DHTKD1: variants seen among roughly 807,000 people sequenced by gnomAD.
DHTKD1 encodes dehydrogenase E1 and transketolase domain containing 1, also known as 2-oxoadipate dehydrogenase complex component E1.
DHTKD1 carries 78 observed loss-of-function variants against 101.8 expected under a neutral mutation model. That is an observed-to-expected ratio of 0.77 (90% confidence interval 0.64 to 0.93). The LOEUF (loss-of-function observed/expected upper bound fraction) is 0.93, where lower values mean the gene tolerates loss of function less well. DHTKD1 is among the 40% of genes least tolerant of loss of function. The pLI is 0.00. For missense variants in DHTKD1, 1,223 were observed against 1,161.7 expected, an observed-to-expected ratio of 1.05 and a Z score of -0.77; for synonymous variants, 462 against 450.3, an observed-to-expected ratio of 1.03 and a Z score of -0.33.
chr10:12,106,361 G>A lies in DHTKD1; in HGVS notation c.2012G>A (p.Gly671Asp). The change falls in exon 11 of 17, where the codon GGT (glycine) becomes GAT (aspartate). Residue 671 changes from glycine to aspartate, a missense_variant. Gly to Asp is a moderately conservative substitution (Grantham distance 94). Coordinates refer to ENST00000263035, the MANE Select transcript of DHTKD1 (RefSeq NM_018706.7). The part of the protein sequence containing the change: ...WEAQFGDFFN[G>D]AQIIFDTFIS... ...GCACAGTTTGGCGATTTCTTCAATG[G>A]TGCCCAGATCATCTTTGACACATTC... 1 of 1,614,208 alleles carries A rather than the reference G, an allele frequency of 6.2e-7. No homozygotes were observed. The highest frequency in any genetic ancestry group is 8.5e-7 in the Non-Finnish European group (1 of 1,180,048).
chr10:12,084,632 T>G lies in DHTKD1; in HGVS notation c.403T>G (p.Ser135Ala), dbSNP rs755902715. Reference protein sequence around the residue: ...IYCGQISIETSQLQSQDEKDW... With the variant: ...IYCGQISIETAQLQSQDEKDW... The stretch of plus-strand genomic sequence containing the variant: ...CTGTGGGCAGATTTCTATTGAAACC[T>G]CCCAACTTCAGAGCCAGGATGAGAA... The change falls in exon 3 of 17, where the codon TCC becomes GCC. Residue 135 changes from serine (S) to alanine (A), a missense_variant. By Grantham distance (99) the Ser-to-Ala change is moderately conservative. Transcript: ENST00000263035. The G allele has an allele frequency of 1.4e-5, 23 of 1,613,868 alleles. No homozygotes were observed. Among genetic ancestry groups the G allele is most frequent in the Non-Finnish European group, 1.9e-5 (23 of 1,179,908 alleles).
rs57815181 is a variant in DHTKD1, at chr10:12,100,287, G to GTTT, written c.1756+37_1756+39dup. On this transcript the variant is annotated intron_variant, in intron 9 of 16. Coordinates refer to ENST00000263035, the MANE Select transcript of DHTKD1 (RefSeq NM_018706.7). Reference sequence around the variant, plus strand: ...GGTAAGAATTTTCTTTTTTTTTTCTGTTTTTTTTTTTTTTGAGTCTCACCC... The same window carrying GTTT: ...GGTAAGAATTTTCTTTTTTTTTTCTGTTTTTTTTTTTTTTTTTGAGTCTCACCC... 1.5e-3 allele frequency: 402 copies of GTTT among 272,102 alleles called. 54 individuals carry two copies. The highest frequency in any genetic ancestry group is 4.4e-3 in the East Asian group (54 of 12,326). The allele number at this position is 272,102 out of a possible 1,614,324, so 16.9% of individuals were successfully genotyped here.
Position 12,084,529 on chromosome 10 carries a change from G to A in DHTKD1, c.311-11G>A. 1 of 1,539,070 alleles carries A rather than the reference G, an allele frequency of 6.5e-7. No individual in the cohort carries two copies. The highest frequency in any genetic ancestry group is 9.0e-7 in the Non-Finnish European group (1 of 1,112,014). ...ATTTTTTAAGATGACCCCTTTGATT[G>A]TATTTCACAGGATTATTGAACATGG... On this transcript the variant is annotated splice_polypyrimidine_tract_variant and intron_variant, in intron 2 of 16. Transcript: ENST00000263035.
rs538884584 is a variant in DHTKD1, at chr10:12,087,202, C to T, written c.523-333C>T. 6.6e-6 allele frequency among the ~76,000 whole-genome samples: 1 copy of T among 152,172 alleles called. No homozygotes were observed. The highest frequency in any genetic ancestry group is 1.9e-4 in the East Asian group (1 of 5,186). On this transcript the variant is annotated intron_variant, in intron 3 of 16. Coordinates refer to ENST00000263035, the MANE Select transcript of DHTKD1 (RefSeq NM_018706.7). This position sits in a 1 kb window ranked among gnomAD's most constrained non-coding sequence, Gnocchi z 5.2. The stretch of plus-strand genomic sequence containing the variant: ...TGCAGCCTTGATTCATACCGTAGAG[C>T]CCCGTGTGAAAACTGGGGTACTGGG...
chr10:12,119,395 C>G (rs1431655550), intron 15 of DHTKD1, among the ~76,000 whole-genome samples: 1 of 151,212 alleles, frequency 6.6e-6, no homozygotes, highest in Non-Finnish European at 1.5e-5. Flanking sequence ...GTGGGCGGAT[C>G]ACGAGGTCAG....
intron 7 of DHTKD1, among the ~76,000 whole-genome samples, chr10:12,095,825 AAAAAAAAAG>A (rs1224088827): frequency 5.7e-5 from 8 of 139,286 alleles, no homozygotes; most frequent in African/African-American, 8.5e-5. Context: ...AAAAAAAAAA[AAAAAAAAAG>A]AAAAGAAAAG....
intron 6 of DHTKD1, among the ~76,000 whole-genome samples, chr10:12,093,300 T>G (rs1352008700): frequency 2.6e-5 from 4 of 152,160 alleles, no homozygotes; most frequent in Non-Finnish European, 5.9e-5. Flanking sequence ...TGCCTCAGCC[T>G]CCCAGAGTGC....
At chr10:12,089,409 G>T (rs546354548) in intron 5 of DHTKD1, among the ~76,000 whole-genome samples, 154 bp downstream of exon 5, 27 of 152,302 alleles carry the variant, frequency 1.8e-4, no homozygotes, top group African/African-American at 6.0e-4. Context: ...ACTAACAGGA[G>T]ATTCATGAGG....
intron 10 of DHTKD1, among the ~76,000 whole-genome samples, chr10:12,102,901 T>G (rs956008873): frequency 6.7e-6 from 1 of 150,082 alleles, no homozygotes; most frequent in African/African-American, 2.4e-5. Flanking sequence ...ATTACAGGCG[T>G]GAACCACCAC....
chr10:12,085,680 A>G (rs1377955567), intron 3 of DHTKD1, among the ~76,000 whole-genome samples: 1 of 152,088 alleles, frequency 6.6e-6, no homozygotes, highest in Non-Finnish European at 1.5e-5. Flanking sequence ...GGAGTTTGAT[A>G]CCAGCCAGGC....
chr10:12,079,201 C>G (rs1832777920), intron 1 of DHTKD1, among the ~76,000 whole-genome samples: 1 of 152,274 alleles, frequency 6.6e-6, no homozygotes, highest in South Asian at 2.1e-4. Context: ...GCTCCTCCCT[C>G]AGCCTCTTGG....
rs766964006 is a variant in DHTKD1 at position 12,097,878 on chromosome 10, A to C, written c.1553A>C (p.Gln518Pro). The C allele has an allele frequency of 5.0e-6, 8 of 1,614,218 alleles. No individual in the cohort carries two copies. The South Asian group carries it at 5.5e-5, about 11-fold the overall frequency. Residue 518 changes from glutamine (Q) to proline (P), a missense_variant, in exon 8 of 17, where the codon CAA becomes CCA. Coordinates refer to ENST00000263035, the MANE Select transcript of DHTKD1 (RefSeq NM_018706.7). ...HWQGLAQPEA[Q>P]ITTWSTGVPL... ...CAGGGCCTGGCTCAGCCAGAAGCGCAAATCACCACCTGGAGTACAGGTGTG... is the reference window on the plus strand; with the variant it reads ...CAGGGCCTGGCTCAGCCAGAAGCGCCAATCACCACCTGGAGTACAGGTGTG...
chr10:12,086,115 G>T (rs988465072), intron 3 of DHTKD1, among the ~76,000 whole-genome samples: 1 of 150,272 alleles, frequency 6.7e-6, no homozygotes, highest in Non-Finnish European at 1.5e-5. Flanking sequence ...TGATCCACCC[G>T]CCTCGGCCTC....
Position 12,117,771 on chromosome 10 carries a change from C to T in DHTKD1, c.2402+16C>T, listed in dbSNP as rs1318097989. ...ATCCAAAAAAGTAAGATATGTATCTCTGTTTTCATATTCTGTGGCAGAATT... is the reference window on the plus strand; with the variant it reads ...ATCCAAAAAAGTAAGATATGTATCTTTGTTTTCATATTCTGTGGCAGAATT... On this transcript the variant is annotated intron_variant, in intron 14 of 16. Transcript: ENST00000263035. 6.8e-7 allele frequency: 1 copy of T among 1,467,500 alleles called. No individual in the cohort carries two copies. Among genetic ancestry groups the T allele is most frequent in the Admixed American group, 1.8e-5 (1 of 56,480 alleles). The allele number at this position is 1,467,500 out of a possible 1,614,324, so 90.9% of individuals were successfully genotyped here. A position where few individuals can be genotyped will look rare whatever the true frequency, so the allele number is the denominator to read the frequency against.
chr10:12,100,967 A>G, intron 9 of DHTKD1, 75 bp from the exon 10 acceptor site: 1 of 1,482,258 alleles, frequency 6.7e-7, no homozygotes, highest in East Asian at 2.3e-5. Context: ...GCCAGTATAT[A>G]AGAATTTACA....
chr10:12,075,623 C>T (rs955099700), intron 1 of DHTKD1, among the ~76,000 whole-genome samples: 1 of 152,160 alleles, frequency 6.6e-6, no homozygotes, highest in Non-Finnish European at 1.5e-5. Flanking sequence ...GGTCCTCCTG[C>T]CCCAGCCTCC....
intron 16 of DHTKD1, 71 bp downstream of exon 16, chr10:12,120,338 T>TC: frequency 7.4e-7 from 1 of 1,347,480 alleles, no homozygotes. Context: ...TTTCTTTCTT[T>TC]CTTTTTTTTT....
At chr10:12,119,636 G>GA (rs1356329564) in intron 15 of DHTKD1, among the ~76,000 whole-genome samples, 1 of 131,746 alleles carries the variant, frequency 7.6e-6, no homozygotes, top group African/African-American at 2.9e-5. Flanking sequence ...AAAAAAAAAA[G>GA]AAAGAAAATT....
At position 12,121,028 on chromosome 10, in the gene DHTKD1, TG is replaced by T; in HGVS notation, c.*142del. Reference sequence around the variant, plus strand: ...TGAGGTCAGGAGTTCGAGACCAGCCTGGCCAACACGGTGAAACCCCGCCTCT... The same window carrying T: ...TGAGGTCAGGAGTTCGAGACCAGCCTGCCAACACGGTGAAACCCCGCCTCT... On this transcript the variant is annotated 3_prime_UTR_variant, in exon 17 of 17. Transcript: ENST00000263035. 1 of 625,642 alleles carries T rather than the reference TG, an allele frequency of 1.6e-6. No individual in the cohort carries two copies. Among genetic ancestry groups the T allele is most frequent in the Non-Finnish European group, 2.8e-6 (1 of 362,672 alleles). The allele number at this position is 625,642 out of a possible 1,614,324, so 38.8% of individuals were successfully genotyped here.
Sources: gnomAD v4.1 joint callset for allele counts (sites outside exome capture counted in the v4.1 genomes callset) on GRCh38, gnomAD v4.1.1 for gene constraint, Gnocchi (gnomAD v3.1) non-coding constraint, MANE v1.5 for transcripts, NCBI Gene and HGNC (gene_info 2026-07-23, HGNC 2026-07-21) for gene names.